The following IMPG1 variants were observed in gnomAD, a reference collection of about 807,000 sequenced individuals.
IMPG1 encodes interphotoreceptor matrix proteoglycan of 150 kDa.
IMPG1 carries 85 observed loss-of-function variants against 92.0 expected under a neutral mutation model. That is an observed-to-expected ratio of 0.92 (90% confidence interval 0.78 to 1.11). IMPG1 has a LOEUF of 1.11. Ranked by LOEUF, IMPG1 falls within the 50% of genes least tolerant of loss-of-function variation. The pLI, the probability that IMPG1 is intolerant of heterozygous loss-of-function variation, is 0.00. For missense variants in IMPG1, 1,022 were observed against 956.0 expected, an observed-to-expected ratio of 1.07 and a Z score of -0.91; for synonymous variants, 367 against 334.1, an observed-to-expected ratio of 1.10 and a Z score of -1.08.
At chr6:75,927,003 A>G (rs1462799032) in intron 15 of IMPG1, among the ~76,000 whole-genome samples, 2 of 152,358 alleles carry the variant, frequency 1.3e-5, no homozygotes, top group East Asian at 3.9e-4. Context: ...GTAGAATAAC[A>G]AAAACGCAGC....
At chr6:75,977,587 C>CAA (rs59746948) in intron 12 of IMPG1, among the ~76,000 whole-genome samples, 18 of 121,412 alleles carry the variant, frequency 1.5e-4, no homozygotes, top group African/African-American at 5.4e-4. Context: ...AACTCTGCCT[C>CAA]AAAAAAAAAA....
intron 1 of IMPG1, among the ~76,000 whole-genome samples, chr6:76,045,669 CTGTT>C (rs1783928524): frequency 1.3e-5 from 2 of 152,064 alleles, no homozygotes; most frequent in South Asian, 2.1e-4. Flanking sequence ...GTGACAAAGT[CTGTT>C]TGTTACAGAT....
chr6:75,945,335 C>A (rs1001683624), intron 14 of IMPG1, among the ~76,000 whole-genome samples: 1 of 146,816 alleles, frequency 6.8e-6, no homozygotes, highest in Non-Finnish European at 1.5e-5. Flanking sequence ...TCTCCATTTT[C>A]TTTTCTTCTC....
chr6:75,994,766 G>T (rs183321192), intron 12 of IMPG1, among the ~76,000 whole-genome samples: 8 of 152,312 alleles, frequency 5.3e-5, no homozygotes, highest in Non-Finnish European at 1.2e-4. Flanking sequence ...TTCAATATGA[G>T]ATTTGGGTGG....
chr6:76,015,596 T>C (rs1036857316), intron 7 of IMPG1, among the ~76,000 whole-genome samples: 3 of 149,852 alleles, frequency 2.0e-5, no homozygotes, highest in African/African-American at 7.4e-5. Context: ...AGGTCAGGAG[T>C]TCGAGACCAG....
chr6:76,043,469 TCA>T (rs1054799843), intron 1 of IMPG1, among the ~76,000 whole-genome samples: 1 of 106,526 alleles, frequency 9.4e-6, no homozygotes, highest in African/African-American at 2.9e-5. Context: ...TTGAGAAGTC[TCA>T]GAGTGCCCTG....
chr6:75,952,004 C>A (rs117231403), intron 12 of IMPG1, among the ~76,000 whole-genome samples: 1 of 152,180 alleles, frequency 6.6e-6, no homozygotes, highest in African/African-American at 2.4e-5. Context: ...TACATTATTA[C>A]GCTCTGACAA....
intron 1 of IMPG1, among the ~76,000 whole-genome samples, chr6:76,071,845 T>G (rs552374806): frequency 2.0e-5 from 3 of 152,254 alleles, no homozygotes; most frequent in Admixed American, 2.0e-4. Context: ...TAATTTCATA[T>G]TCAGATGCAG....
chr6:76,065,378 T>C (rs996095463), intron 1 of IMPG1, among the ~76,000 whole-genome samples: 5 of 151,864 alleles, frequency 3.3e-5, no homozygotes, highest in Non-Finnish European at 4.4e-5. Context: ...AAGAGATAAA[T>C]ATTTAAAATA....
At chr6:76,034,393 C>A in intron 3 of IMPG1, 50 bp from the exon 4 acceptor site, 6 of 1,533,706 alleles carry the variant, frequency 3.9e-6, no homozygotes, top group Non-Finnish European at 5.4e-6. Context: ...ATAATGCCAA[C>A]CGAAGAGTTA....
rs980174928 is a variant in IMPG1 at position 75,929,726 on chromosome 6, C to T, written c.2243+1227G>A. 3.4e-4 allele frequency among the ~76,000 whole-genome samples: 51 copies of T among 149,564 alleles called. 1 individual carries two copies. The highest frequency in any genetic ancestry group is 2.7e-4 in the Admixed American group (4 of 15,044). ...ATAATAAAATTAAAAAAAAGAAAAA[C>T]GGGAAATAAAATAAAATTAAAGTAA... On this transcript the variant is annotated intron_variant, in intron 15 of 16. Coordinates refer to ENST00000369950, the MANE Select transcript of IMPG1 (RefSeq NM_001563.4).
intron 12 of IMPG1, among the ~76,000 whole-genome samples, chr6:75,986,408 T>C (rs1298881968): frequency 5.3e-5 from 8 of 152,168 alleles, no homozygotes; most frequent in Non-Finnish European, 1.2e-4. Context: ...TAATAACTAT[T>C]ATAATAAAGA....
At chr6:76,056,675 C>T (rs1784125725) in intron 1 of IMPG1, among the ~76,000 whole-genome samples, 1 of 152,074 alleles carries the variant, frequency 6.6e-6, no homozygotes, top group Non-Finnish European at 1.5e-5. Flanking sequence ...CCCTTTTCTC[C>T]ACAACCTTGC....
In IMPG1 at chr6:76,018,841, G is replaced by GA. The variant is rs1554234500; in HGVS notation, c.683dup (p.Ala229ArgfsTer25). On this transcript the variant is annotated frameshift_variant, in exon 7 of 17. Transcript: ENST00000369950. LOFTEE classifies it high-confidence loss of function. ...CCACCCTCTGCTCCTCCAACACAGC[G>GA]AATTCTGTTTCTCTTTCCTGAGTTT... 1.3e-6 allele frequency: 2 copies of GA among 1,589,728 alleles called. No individual in the cohort carries two copies. The highest frequency in any genetic ancestry group is 1.4e-5 in the African/African-American group (1 of 73,028).
At chr6:75,993,508 GAGAA>G (rs986837734) in intron 12 of IMPG1, among the ~76,000 whole-genome samples, 94 of 151,974 alleles carry the variant, frequency 6.2e-4, no homozygotes, top group African/African-American at 2.1e-3. Context: ...GGGAGAGAGA[GAGAA>G]AGAAAGAGAG....
intron 1 of IMPG1, among the ~76,000 whole-genome samples, chr6:76,056,148 T>C (rs1264615714): frequency 1.3e-5 from 2 of 152,102 alleles, no homozygotes; most frequent in Admixed American, 6.6e-5. Flanking sequence ...GTTTGATTTA[T>C]CTCAGGAATG....
intron 2 of IMPG1, among the ~76,000 whole-genome samples, chr6:76,041,532 C>T (rs933848136): frequency 6.6e-6 from 1 of 152,072 alleles, no homozygotes; most frequent in African/African-American, 2.4e-5. Flanking sequence ...GCTTAGATTC[C>T]TGACATTGCA....
chr6:76,067,292 T>C (rs545891320), intron 1 of IMPG1, among the ~76,000 whole-genome samples: 2 of 151,522 alleles, frequency 1.3e-5, no homozygotes, highest in South Asian at 4.2e-4. Context: ...GACTGCCAGC[T>C]AGATTAACCA....
chr6:75,950,471 A>T, intron 13 of IMPG1, 91 bp downstream of exon 13: 1 of 1,172,946 alleles, frequency 8.5e-7, no homozygotes, highest in Non-Finnish European at 1.2e-6. Context: ...TACTAACACT[A>T]ATTGCTCAAG....
Sources: gnomAD v4.1 joint callset for allele counts (sites outside exome capture counted in the v4.1 genomes callset) on GRCh38, gnomAD v4.1.1 for gene constraint, MANE v1.5 for transcripts, NCBI Gene and HGNC (gene_info 2026-07-23, HGNC 2026-07-21) for gene names.